The following METTL15 variants were observed in gnomAD, a reference collection of about 807,000 sequenced individuals.
The protein encoded by METTL15 is 12S rRNA N(4)-cytidine methyltransferase METTL15.
METTL15 carries 34 observed loss-of-function variants against 38.3 expected under a neutral mutation model. The ratio of observed to expected loss-of-function variants is 0.89; its 90% CI spans 0.68 to 1.18. The LOEUF is 1.18. METTL15 is among the 50% of genes most tolerant of loss of function. The pLI, the probability that METTL15 is intolerant of heterozygous loss-of-function variation, is 0.00. For synonymous variants in METTL15, 162 were observed against 170.9 expected (o/e 0.95, Z 0.41); for missense variants, 438 against 498.4 (o/e 0.88, Z 1.15).
exon 8 of METTL15, chr11:28,526,927 C>A (rs1178810515): frequency 6.6e-6 from 1 of 152,020 alleles, no homozygotes; most frequent in Non-Finnish European, 1.5e-5. Flanking sequence ...TGTTTAAAGA[C>A]AAGTAAAGAA....
At position 28,333,253 on chromosome 11, in the gene METTL15, T is replaced by C. The variant is rs1339226387; in HGVS notation, c.*2412T>C. On this transcript the variant is annotated 3_prime_UTR_variant, in exon 7 of 7. Coordinates refer to ENST00000407364, the MANE Select transcript of METTL15 (RefSeq NM_001113528.2). ...TGGATAATATGCATGAGAAAAATCC[T>C]TCAATAAACACAAAATTGGTTTCAA... 1 of 152,140 alleles carries C rather than the reference T, an allele frequency of 6.6e-6. No homozygotes were observed. The highest frequency in any genetic ancestry group is 2.4e-5 in the African/African-American group (1 of 41,432). 9.4% of individuals were successfully genotyped at this position (152,140 alleles called of 1,614,324 possible). A position where few individuals can be genotyped will look rare whatever the true frequency, so the allele number is the denominator to read the frequency against.
intron 4 of METTL15, among the ~76,000 whole-genome samples, chr11:28,212,966 A>T (rs1033201716): frequency 6.6e-6 from 1 of 152,064 alleles, no homozygotes; most frequent in Non-Finnish European, 1.5e-5. Context: ...ATTTTTTTTT[A>T]ACCTAACAGG....
intron 6 of METTL15, among the ~76,000 whole-genome samples, chr11:28,424,695 G>A (rs768450876): frequency 3.3e-5 from 5 of 152,158 alleles, no homozygotes; most frequent in Non-Finnish European, 7.4e-5. Flanking sequence ...TTGGGAGAGA[G>A]CCATTAGGCC....
At chr11:28,282,297 A>G (rs929115317) in intron 4 of METTL15, among the ~76,000 whole-genome samples, 2 of 152,188 alleles carry the variant, frequency 1.3e-5, no homozygotes. Context: ...TGTACTGTCA[A>G]TCACCAACCG....
At chr11:28,494,554 C>G (rs527918534) in intron 6 of METTL15, among the ~76,000 whole-genome samples, 2 of 152,222 alleles carry the variant, frequency 1.3e-5, no homozygotes, top group Non-Finnish European at 2.9e-5. Flanking sequence ...AAGATAACAT[C>G]TCTCTGAGAT....
At chr11:28,264,538 A>G (rs1018548446) in intron 4 of METTL15, among the ~76,000 whole-genome samples, 4 of 152,118 alleles carry the variant, frequency 2.6e-5, no homozygotes, top group Non-Finnish European at 4.4e-5. Flanking sequence ...CTGATTATCA[A>G]TCAATTTAAG....
chr11:28,330,839 T>C lies in METTL15; in HGVS notation c.1222T>C (p.Ter408GlnextTer38). ...CAAGCTTAGAGCAGCTATCAAATTA[T>C]AAGTTATCATCATCTTATTCTTCAA... The part of the protein sequence containing the change: ...SAKLRAAIKL[*>Q] The change falls in exon 7 of 7, where the codon TAA becomes CAA. Residue 408 changes from the stop codon to glutamine, a stop_lost. Transcript: ENST00000407364. The C allele has an allele frequency of 6.5e-7, 1 of 1,530,470 alleles. No individual in the cohort carries two copies. Among genetic ancestry groups the C allele is most frequent in the Non-Finnish European group, 8.8e-7 (1 of 1,139,822 alleles). The allele number at this position is 1,530,470 out of a possible 1,614,324, so 94.8% of individuals were successfully genotyped here.
chr11:28,278,807 A>G (rs1855938499), intron 4 of METTL15, among the ~76,000 whole-genome samples: 1 of 152,090 alleles, frequency 6.6e-6, no homozygotes, highest in African/African-American at 2.4e-5. Flanking sequence ...TGTTTTATCC[A>G]TGAGAGAGAT....
intron 3 of METTL15, among the ~76,000 whole-genome samples, chr11:28,171,948 T>A (rs1444421326): frequency 6.6e-6 from 1 of 151,940 alleles, no homozygotes; most frequent in Non-Finnish European, 1.5e-5. Context: ...CATGCCACCA[T>A]GCCCAGCTAA....
intron 6 of METTL15, among the ~76,000 whole-genome samples, chr11:28,506,872 G>C (rs1241245701): frequency 2.0e-5 from 3 of 150,454 alleles, no homozygotes; most frequent in Non-Finnish European, 4.4e-5. Flanking sequence ...AGCCTCTCAA[G>C]TAGTTGAGAC....
At chr11:28,115,632 TAAG>T (rs1851909074) in intron 3 of METTL15, among the ~76,000 whole-genome samples, 1 of 152,080 alleles carries the variant, frequency 6.6e-6, no homozygotes, top group Non-Finnish European at 1.5e-5. Context: ...GCAAAAATAT[TAAG>T]AGAATCATAA....
chr11:28,158,311 C>T (rs1334198295), intron 3 of METTL15, among the ~76,000 whole-genome samples: 2 of 152,174 alleles, frequency 1.3e-5, no homozygotes, highest in Non-Finnish European at 2.9e-5. Flanking sequence ...CCTCTTTCCC[C>T]AGCCACTTCT....
intron 4 of METTL15, among the ~76,000 whole-genome samples, chr11:28,235,584 C>T (rs578150827): frequency 3.0e-4 from 45 of 152,268 alleles, no homozygotes; most frequent in South Asian, 8.3e-4. Flanking sequence ...ATTGGGAGTT[C>T]ACTCATGATT....
chr11:28,485,339 G>A (rs1305112844), intron 6 of METTL15, among the ~76,000 whole-genome samples: 1 of 152,180 alleles, frequency 6.6e-6, no homozygotes, highest in Non-Finnish European at 1.5e-5. Context: ...TATGTGCCAG[G>A]CACTGTTCTA....
At chr11:28,134,074 T>C (rs10734397) in intron 3 of METTL15, among the ~76,000 whole-genome samples, 151,738 of 152,310 alleles carry the variant, frequency 1, 75,590 homozygotes, top group Non-Finnish European at 1. Context: ...ACAGGAAAGA[T>C]ATTCCTAACG....
chr11:28,196,806 G>A (rs929674009), intron 3 of METTL15, among the ~76,000 whole-genome samples: 3 of 151,598 alleles, frequency 2.0e-5, no homozygotes, highest in Admixed American at 2.0e-4. Flanking sequence ...AGTCTTTCTG[G>A]TCAGTAAAAA....
intron 3 of METTL15, among the ~76,000 whole-genome samples, chr11:28,197,259 TC>T (rs1315749494): frequency 1.3e-5 from 2 of 151,870 alleles, no homozygotes; most frequent in Non-Finnish European, 2.9e-5. Flanking sequence ...AGACCTTCTG[TC>T]AACCAAAGGT....
At chr11:28,167,818 T>G (rs1228586428) in intron 3 of METTL15, among the ~76,000 whole-genome samples, 1 of 152,088 alleles carries the variant, frequency 6.6e-6, no homozygotes, top group Admixed American at 6.6e-5. Flanking sequence ...CAACACCTTA[T>G]CAACTTTATC....
At chr11:28,302,274 G>A (rs1444277604) in intron 6 of METTL15, among the ~76,000 whole-genome samples, 3 of 152,120 alleles carry the variant, frequency 2.0e-5, no homozygotes, top group East Asian at 3.9e-4. Flanking sequence ...AATCAGAAAA[G>A]CTCTGCTTTT....
Sources: gnomAD v4.1 joint callset for allele counts (sites outside exome capture counted in the v4.1 genomes callset) on GRCh38, gnomAD v4.1.1 for gene constraint, MANE v1.5 for transcripts, NCBI Gene and HGNC (gene_info 2026-07-23, HGNC 2026-07-21) for gene names.